The following SYT16 variants were observed in gnomAD, a reference collection of about 807,000 sequenced individuals.
The protein encoded by SYT16 is synaptotagmin-16.
In SYT16, 42 loss-of-function variants were observed where a neutral mutation model predicts 61.4. The ratio of observed to expected loss-of-function variants is 0.68; its 90% CI spans 0.53 to 0.89. The LOEUF is 0.89. SYT16 is among the 40% of genes least tolerant of loss of function. The pLI, the probability that SYT16 is intolerant of heterozygous loss-of-function variation, is 0.00. For synonymous variants in SYT16, 314 were observed against 302.3 expected (o/e 1.04, Z -0.40); for missense variants, 804 against 807.3 (o/e 1.00, Z 0.05).
At chr14:61,995,051 T>A (rs1490765973) in intron 2 of SYT16, among the ~76,000 whole-genome samples, 1 of 151,258 alleles carries the variant, frequency 6.6e-6, no homozygotes, top group Non-Finnish European at 1.5e-5. Flanking sequence ...ATAAGATATA[T>A]ACACACATAA....
intron 6 of SYT16, among the ~76,000 whole-genome samples, chr14:62,082,458 C>G (rs1331936071): frequency 2.0e-5 from 3 of 152,176 alleles, no homozygotes; most frequent in Non-Finnish European, 4.4e-5. Flanking sequence ...TTTCTGTTTT[C>G]CACCTGAAAT....
intron 3 of SYT16, among the ~76,000 whole-genome samples, chr14:62,050,151 C>T (rs1434176170): frequency 6.6e-6 from 1 of 152,204 alleles, no homozygotes; most frequent in Non-Finnish European, 1.5e-5. Flanking sequence ...TCCCATATTT[C>T]TTGGAGGCTT....
chr14:62,100,741 C>A lies in SYT16; in HGVS notation c.*34C>A, dbSNP rs374853854. ...ACCTGCATTTGTGTGCTGTGTCCAC[C>A]TTGGTTACCTGTGTTGCTGTCTACT... On this transcript the variant is annotated 3_prime_UTR_variant, in exon 8 of 8. Transcript: ENST00000683842. 16 of 1,586,670 alleles carry A rather than the reference C, an allele frequency of 1.0e-5. No homozygotes were observed. The African/African-American group carries it at 2.0e-4, about 20-fold the overall frequency.
intron 3 of SYT16, among the ~76,000 whole-genome samples, chr14:61,996,969 A>G (rs2052797433): frequency 6.6e-6 from 1 of 152,126 alleles, no homozygotes. Flanking sequence ...TAACACTCCA[A>G]GAACACTTCT....
rs2047065248 is a variant in SYT16 at position 61,864,392 on chromosome 14, T to C, written c.-325+51582T>C. Among the ~76,000 whole-genome samples the C allele has an allele frequency of 2.0e-5, 3 of 152,264 alleles. No individual in the cohort carries two copies. The South Asian group carries it at 6.2e-4, about 31-fold the overall frequency. ...TGTTCCAAGATGAGATTCTGCGCTC[T>C]AGCCGGCAGTTAGTGCTGCCCGAGC... On this transcript the variant is annotated intron_variant, in intron 1 of 7. Transcript: ENST00000683842.
In SYT16 at chr14:62,080,103, A is replaced by G. The variant is rs183249005; in HGVS notation, c.994-731A>G. Among the ~76,000 whole-genome samples the G allele has an allele frequency of 3.9e-5, 6 of 152,272 alleles. No homozygotes were observed. In the East Asian group the frequency reaches 7.7e-4, roughly 20 times the overall value. ...AGTCAGTGGTAGAGTTATGATTTCA[A>G]TTTAGGTGTTCTGGCTCCAGGCTCA... On this transcript the variant is annotated intron_variant, in intron 5 of 7. Transcript: ENST00000683842.
intron 1 of SYT16, among the ~76,000 whole-genome samples, chr14:61,831,627 A>C (rs990115739): frequency 6.6e-5 from 10 of 151,984 alleles, no homozygotes; most frequent in Middle Eastern, 3.2e-3. Flanking sequence ...TCTGTTAACT[A>C]TTCATTGATT....
At chr14:62,009,308 A>G (rs962611152) in intron 3 of SYT16, among the ~76,000 whole-genome samples, 1 of 152,222 alleles carries the variant, frequency 6.6e-6, no homozygotes, top group Admixed American at 6.5e-5. Flanking sequence ...ACATCATGAC[A>G]TATCAAAAAA....
At chr14:61,877,547 C>T (rs146498943) in intron 1 of SYT16, among the ~76,000 whole-genome samples, 384 of 152,320 alleles carry the variant, frequency 2.5e-3, no homozygotes, top group Non-Finnish European at 4.3e-3. Flanking sequence ...TCAAAAGTTT[C>T]CCAGGTAATT....
intron 3 of SYT16, among the ~76,000 whole-genome samples, chr14:62,047,802 G>A (rs998782429): frequency 2.6e-5 from 4 of 152,174 alleles, no homozygotes; most frequent in Non-Finnish European, 5.9e-5. Context: ...TGTTGAACCA[G>A]CCTTGCATCC....
chr14:62,063,552 A>T (rs1305472508), intron 3 of SYT16, among the ~76,000 whole-genome samples: 1 of 151,606 alleles, frequency 6.6e-6, no homozygotes, highest in African/African-American at 2.4e-5. Context: ...CCAGTTTTAA[A>T]CTCTGTCAGC....
intron 1 of SYT16, among the ~76,000 whole-genome samples, chr14:61,947,473 G>T (rs945645677): frequency 3.3e-5 from 5 of 152,150 alleles, no homozygotes; most frequent in African/African-American, 1.2e-4. Flanking sequence ...CCATGTGCTT[G>T]TTAGAGCCAA....
At chr14:61,941,369 A>C (rs1028008712) in intron 1 of SYT16, among the ~76,000 whole-genome samples, 2 of 152,180 alleles carry the variant, frequency 1.3e-5, no homozygotes, top group Admixed American at 1.3e-4. Flanking sequence ...TCAGATCTAC[A>C]ACAGTATCCT....
chr14:61,931,677 C>T (rs1411991302), intron 1 of SYT16, among the ~76,000 whole-genome samples: 1 of 152,056 alleles, frequency 6.6e-6, no homozygotes, highest in Non-Finnish European at 1.5e-5. Flanking sequence ...CCATTTTTTC[C>T]CTATTGTGAA....
intron 1 of SYT16, among the ~76,000 whole-genome samples, chr14:61,829,748 G>A (rs1393897859): frequency 6.6e-6 from 1 of 151,652 alleles, no homozygotes; most frequent in African/African-American, 2.4e-5. Flanking sequence ...TCCGCCTCCC[G>A]GGTTCATGCC....
rs11370731 is a variant in SYT16, at chr14:62,089,318, C to CAAA, written c.1624+4945_1624+4947dup. ...TGGGCCACAGAGTGAGATTCCATCT[C>CAAA]AAAAAAAAAAAAAATGGGGTACTGA... On this transcript the variant is annotated intron_variant, in intron 7 of 7. Transcript: ENST00000683842. Among the ~76,000 whole-genome samples, 6 of 140,268 alleles carry CAAA rather than the reference C, an allele frequency of 4.3e-5. No individual in the cohort carries two copies. The South Asian group carries it at 9.2e-4, about 21-fold the overall frequency. The allele number at this position is 140,268 out of a possible 152,430, so 92.0% of individuals were successfully genotyped here. A position where few individuals can be genotyped will look rare whatever the true frequency, so the allele number is the denominator to read the frequency against.
chr14:61,877,999 C>A (rs537635670), intron 1 of SYT16, among the ~76,000 whole-genome samples: 2 of 152,250 alleles, frequency 1.3e-5, no homozygotes, highest in African/African-American at 4.8e-5. Flanking sequence ...CACACAGACA[C>A]ACACTGCCAG....
rs983445308 is a variant in SYT16 at position 61,959,551 on chromosome 14, C to T, written c.-324-10581C>T. Among the ~76,000 whole-genome samples, 7 of 152,152 alleles carry T rather than the reference C, an allele frequency of 4.6e-5. No individual in the cohort carries two copies. In the East Asian group the frequency reaches 5.8e-4, roughly 13 times the overall value. On this transcript the variant is annotated intron_variant, in intron 1 of 7. Coordinates refer to ENST00000683842, the MANE Select transcript of SYT16 (RefSeq NM_001367656.1). Reference sequence around the variant, plus strand: ...TTCCCCCAACGCTTTGTGCAACTGACGTCATATTTTGTTTCTTGGTATGTT... The same window carrying T: ...TTCCCCCAACGCTTTGTGCAACTGATGTCATATTTTGTTTCTTGGTATGTT...
intron 1 of SYT16, among the ~76,000 whole-genome samples, chr14:61,952,591 G>GAAAT (rs892980322): frequency 6.6e-6 from 1 of 152,180 alleles, no homozygotes; most frequent in African/African-American, 2.4e-5. Context: ...TTAATTCTCA[G>GAAAT]AAGATGATGG....
Sources: gnomAD v4.1 joint callset for allele counts (sites outside exome capture counted in the v4.1 genomes callset) on GRCh38, gnomAD v4.1.1 for gene constraint, MANE v1.5 for transcripts, NCBI Gene and HGNC (gene_info 2026-07-23, HGNC 2026-07-21) for gene names.